The following SDCCAG8 variants were observed in gnomAD, a reference collection of about 807,000 sequenced individuals.
The protein encoded by SDCCAG8 is SHH signaling and ciliogenesis regulator SDCCAG8, also known as serologically defined colon cancer antigen 8.
SDCCAG8 carries 74 observed loss-of-function variants against 101.8 expected under a neutral mutation model. That is an observed-to-expected ratio of 0.73 (90% CI 0.60 to 0.88). The LOEUF is 0.88. Among genes scored for constraint, SDCCAG8 ranks in the 40% least tolerant of loss-of-function variants. The pLI is 0.00. For synonymous variants in SDCCAG8, 281 were observed against 292.9 expected (o/e 0.96, Z 0.41); for missense variants, 787 against 822.6 (o/e 0.96, Z 0.53).
intron 5 of SDCCAG8, among the ~76,000 whole-genome samples, chr1:243,291,072 T>C (rs1390942946): frequency 6.6e-6 from 1 of 152,218 alleles, no homozygotes; most frequent in Non-Finnish European, 1.5e-5. Flanking sequence ...CTACTTTAGG[T>C]GAATGTAGTT....
At chr1:243,438,201 A>G (rs2082277217) in intron 16 of SDCCAG8, among the ~76,000 whole-genome samples, 1 of 152,198 alleles carries the variant, frequency 6.6e-6, no homozygotes, top group African/African-American at 2.4e-5. Flanking sequence ...AAAGTGTTCA[A>G]TAATGAGTGC....
chr1:243,348,082 C>T (rs557387479), intron 12 of SDCCAG8, among the ~76,000 whole-genome samples: 2 of 139,786 alleles, frequency 1.4e-5, no homozygotes, highest in East Asian at 4.1e-4. Context: ...GTCGCCCAGG[C>T]TGGAGTGCAG....
At chr1:243,318,513 T>TA (rs950506966) in intron 9 of SDCCAG8, 194 of 970,136 alleles carry the variant, frequency 2.0e-4, no homozygotes, top group African/African-American at 1.4e-3. Context: ...AAATAAAAGT[T>TA]AAAAAAAAAT....
chr1:243,327,417 T>C (rs2074256213), intron 9 of SDCCAG8, among the ~76,000 whole-genome samples: 1 of 109,420 alleles, frequency 9.1e-6, no homozygotes, highest in East Asian at 2.5e-4. Flanking sequence ...TTTATAATTT[T>C]ATAGAAGTTA....
intron 9 of SDCCAG8, among the ~76,000 whole-genome samples, chr1:243,324,327 A>G (rs1224620591): frequency 1.3e-5 from 2 of 151,934 alleles, no homozygotes; most frequent in African/African-American, 2.4e-5. Context: ...GTTCTTCCCT[A>G]TGCTTGCTCT....
intron 12 of SDCCAG8, among the ~76,000 whole-genome samples, chr1:243,357,509 A>G (rs561236839): frequency 1.3e-5 from 2 of 152,260 alleles, no homozygotes; most frequent in Non-Finnish European, 2.9e-5. Context: ...ACCAAGGGTC[A>G]GAAAGACTTT....
chr1:243,408,299 C>A (rs1462001011), intron 13 of SDCCAG8, among the ~76,000 whole-genome samples: 4 of 152,174 alleles, frequency 2.6e-5, no homozygotes, highest in African/African-American at 9.6e-5. Flanking sequence ...TTCCTATTCT[C>A]CATGGATTTA....
At chr1:243,308,278 T>G in intron 8 of SDCCAG8, 101 bp downstream of exon 8, 1 of 1,247,310 alleles carries the variant, frequency 8.0e-7, no homozygotes, top group Admixed American at 1.7e-5. Flanking sequence ...TCACATGTGA[T>G]TATTGTTAAT....
intron 8 of SDCCAG8, among the ~76,000 whole-genome samples, chr1:243,312,810 C>T (rs2072878165): frequency 1.3e-5 from 2 of 151,778 alleles, no homozygotes; most frequent in South Asian, 2.1e-4. Flanking sequence ...TTTCTTAGGA[C>T]TCAAGGACTT....
At chr1:243,447,044 G>T (rs1322515272) in intron 16 of SDCCAG8, among the ~76,000 whole-genome samples, 1 of 152,006 alleles carries the variant, frequency 6.6e-6, no homozygotes, top group Non-Finnish European at 1.5e-5. Flanking sequence ...CTGAGTTCAG[G>T]AGTTCAAGAC....
chr1:243,342,773 C>T (rs960297679), intron 11 of SDCCAG8, among the ~76,000 whole-genome samples: 7 of 151,856 alleles, frequency 4.6e-5, no homozygotes, highest in Non-Finnish European at 5.9e-5. Flanking sequence ...TTTTTGAAAT[C>T]GGAGGAATAA....
At chr1:243,377,386 C>A (rs779528496) in intron 12 of SDCCAG8, among the ~76,000 whole-genome samples, 2 of 151,572 alleles carry the variant, frequency 1.3e-5, no homozygotes, top group Non-Finnish European at 2.9e-5. Context: ...ATGGGTATAA[C>A]TTTAATAACA....
intron 6 of SDCCAG8, among the ~76,000 whole-genome samples, chr1:243,294,696 T>TTCCCCCCCC (rs796839957): frequency 8.0e-5 from 5 of 62,240 alleles, no homozygotes; most frequent in Non-Finnish European, 8.7e-5. Flanking sequence ...CTTTCTAAAT[T>TTCCCCCCCC]CCCCCCCCCC....
chr1:243,314,153 C>T (rs1445731649), intron 8 of SDCCAG8, among the ~76,000 whole-genome samples: 2 of 152,200 alleles, frequency 1.3e-5, no homozygotes, highest in Non-Finnish European at 2.9e-5. Context: ...AAATGACTAC[C>T]TACCTGCAAG....
At chr1:243,456,666 G>A (rs1389850347) in intron 16 of SDCCAG8, among the ~76,000 whole-genome samples, 1 of 152,156 alleles carries the variant, frequency 6.6e-6, no homozygotes, top group African/African-American at 2.4e-5. Context: ...AAAGGGGGTA[G>A]AGGGAGGGCA....
intron 1 of SDCCAG8, among the ~76,000 whole-genome samples, chr1:243,256,816 C>A (rs2066750242): frequency 6.6e-6 from 1 of 152,208 alleles, no homozygotes; most frequent in South Asian, 2.1e-4. Context: ...TGGTTAGTTG[C>A]AGAGCCAGGT....
intron 6 of SDCCAG8, among the ~76,000 whole-genome samples, chr1:243,295,192 C>G (rs1031638664): frequency 6.6e-6 from 1 of 152,114 alleles, no homozygotes; most frequent in South Asian, 2.1e-4. Context: ...TTGCGTCAAA[C>G]TAATGTTCGA....
At chr1:243,330,000 G>T (rs1238520073) in intron 9 of SDCCAG8, among the ~76,000 whole-genome samples, 1 of 152,128 alleles carries the variant, frequency 6.6e-6, no homozygotes, top group Non-Finnish European at 1.5e-5. Flanking sequence ...TTTAAGGGGA[G>T]TGAACTAAAT....
chr1:243,468,420 A>G (rs951112144), intron 16 of SDCCAG8, among the ~76,000 whole-genome samples: 33 of 151,986 alleles, frequency 2.2e-4, no homozygotes, highest in African/African-American at 8.0e-4. Flanking sequence ...GTTTCACCAT[A>G]TTGGTCAGGC....
Sources: gnomAD v4.1 joint callset for allele counts (sites outside exome capture counted in the v4.1 genomes callset) on GRCh38, gnomAD v4.1.1 for gene constraint, MANE v1.5 for transcripts, NCBI Gene and HGNC (gene_info 2026-07-23, HGNC 2026-07-21) for gene names.